KLHL1: variants seen among roughly 807,000 people sequenced by gnomAD.
The protein encoded by KLHL1 is kelch-like protein 1.
A neutral mutation model predicts 77.7 loss-of-function variants in KLHL1; 47 were observed. That is an observed-to-expected ratio of 0.60 (90% confidence interval 0.48 to 0.77). KLHL1 has a LOEUF of 0.77. Ranked by LOEUF, KLHL1 falls within the 30% of genes least tolerant of loss-of-function variation. The probability of loss-of-function intolerance (pLI) is 0.00; values close to 1 mark genes in which losing one functional copy is unlikely to be tolerated. For synonymous variants in KLHL1, 360 were observed against 325.2 expected (o/e 1.11, Z -1.15); for missense variants, 925 against 910.8 (o/e 1.02, Z -0.20).
chr13:70,068,413 T>A (rs1887065162), intron 1 of KLHL1, among the ~76,000 whole-genome samples: 1 of 152,190 alleles, frequency 6.6e-6, no homozygotes, highest in African/African-American at 2.4e-5. Context: ...GTGACACTGA[T>A]TAATGAATTA....
intron 10 of KLHL1, among the ~76,000 whole-genome samples, chr13:69,704,247 C>T (rs1341840606): frequency 6.6e-6 from 1 of 151,542 alleles, no homozygotes; most frequent in African/African-American, 2.4e-5. Flanking sequence ...AATGACACCC[C>T]TCTCCATCCA....
chr13:69,827,317 A>AT lies in KLHL1; in HGVS notation c.1414+11658dup, dbSNP rs561187994. 5.3e-3 allele frequency among the ~76,000 whole-genome samples: 800 copies of AT among 152,010 alleles called. 10 individuals are homozygous for AT. The highest frequency in any genetic ancestry group is 0.018 in the African/African-American group (736 of 41,514). ...ATAAGGTTTATTTAGCTGGCCTGAG[A>AT]TTTTTTCCTTCACACACTGCACTTG... is the stretch of plus-strand genomic sequence containing the variant. On this transcript the variant is annotated intron_variant, in intron 6 of 10. Transcript: ENST00000377844.
In KLHL1 at chr13:69,915,437, T is replaced by C. The variant is rs184818677; in HGVS notation, c.1014+24603A>G. 8.5e-5 allele frequency among the ~76,000 whole-genome samples: 13 copies of C among 152,182 alleles called. No individual in the cohort carries two copies. The East Asian group carries it at 9.7e-4, about 11-fold the overall frequency. The stretch of plus-strand genomic sequence containing the variant: ...AGAACAGAGCCCTCAGAAATAATGC[T>C]GCATATCTACAACTATCTGATCTTT... On this transcript the variant is annotated intron_variant, in intron 4 of 10. Transcript: ENST00000377844.
intron 7 of KLHL1, among the ~76,000 whole-genome samples, chr13:69,771,292 AC>A (rs1351936630): frequency 1.6e-4 from 24 of 151,352 alleles, no homozygotes; most frequent in Admixed American, 2.6e-4. Context: ...AAAAAAAAAA[AC>A]ATGCTCTTCT....
At chr13:70,013,097 G>T (rs1593673703) in intron 1 of KLHL1, among the ~76,000 whole-genome samples, 1 of 152,002 alleles carries the variant, frequency 6.6e-6, no homozygotes, top group East Asian at 1.9e-4. Context: ...AAATATCGGG[G>T]AATGATGGCC....
At chr13:69,956,263 TAAAGGTAAGGA>T (rs2137262840) in intron 3 of KLHL1, among the ~76,000 whole-genome samples, 1 of 149,506 alleles carries the variant, frequency 6.7e-6, no homozygotes, top group East Asian at 2.0e-4. Flanking sequence ...TGAAGACCCT[TAAAGGTAAGGA>T]ACATGTATAA....
intron 1 of KLHL1, among the ~76,000 whole-genome samples, chr13:70,022,752 T>G (rs1393587304): frequency 6.6e-6 from 1 of 151,714 alleles, no homozygotes; most frequent in Non-Finnish European, 1.5e-5. Context: ...TGCTACCATC[T>G]GAAAAGGAAA....
intron 5 of KLHL1, among the ~76,000 whole-genome samples, chr13:69,850,727 C>T (rs1483206461): frequency 6.6e-6 from 1 of 151,706 alleles, no homozygotes; most frequent in Non-Finnish European, 1.5e-5. Context: ...CACTGTCCTG[C>T]TGTCTTGTTT....
intron 3 of KLHL1, among the ~76,000 whole-genome samples, chr13:69,958,443 T>A (rs2137265787): frequency 6.8e-6 from 1 of 147,262 alleles, no homozygotes; most frequent in Middle Eastern, 3.5e-3. Flanking sequence ...AAAGTTATTT[T>A]TTCAAAGATT....
intron 1 of KLHL1, among the ~76,000 whole-genome samples, chr13:69,978,146 A>G (rs960306013): frequency 6.6e-6 from 1 of 152,146 alleles, no homozygotes; most frequent in African/African-American, 2.4e-5. Flanking sequence ...CAAGAACAGC[A>G]GAATTCTTCC....
chr13:69,903,624 C>T (rs1490502805), intron 4 of KLHL1, among the ~76,000 whole-genome samples: 7 of 120,044 alleles, frequency 5.8e-5, no homozygotes, highest in African/African-American at 2.4e-4. Flanking sequence ...AACCCTTGTT[C>T]ACATTCTTTT....
intron 6 of KLHL1, among the ~76,000 whole-genome samples, chr13:69,797,380 A>G (rs1877156342): frequency 6.6e-6 from 1 of 152,232 alleles, no homozygotes; most frequent in Non-Finnish European, 1.5e-5. Flanking sequence ...ATAATTTCTG[A>G]AAGTTAATTC....
At chr13:69,969,942 T>C (rs200533616) in intron 2 of KLHL1, among the ~76,000 whole-genome samples, 1 of 40 alleles carries the variant, frequency 0.025, no homozygotes. Flanking sequence ...TTAAACTTTT[T>C]AAGTTCCACT....
intron 4 of KLHL1, among the ~76,000 whole-genome samples, chr13:69,907,196 T>C (rs1353427634): frequency 6.6e-6 from 1 of 152,040 alleles, no homozygotes; most frequent in Admixed American, 6.6e-5. Flanking sequence ...AACACAATTT[T>C]AATTTTTAAA....
chr13:69,985,845 T>G (rs1035533558), intron 1 of KLHL1, among the ~76,000 whole-genome samples: 6 of 118,832 alleles, frequency 5.0e-5, no homozygotes, highest in Non-Finnish European at 1.0e-4. Flanking sequence ...TGTGTGTGTA[T>G]AGATATATAT....
At chr13:69,916,458 G>A (rs1160777913) in intron 4 of KLHL1, among the ~76,000 whole-genome samples, 2 of 152,072 alleles carry the variant, frequency 1.3e-5, no homozygotes, top group African/African-American at 4.8e-5. Flanking sequence ...GATGAAGCTG[G>A]AAACCATCAT....
At chr13:70,046,665 TTTG>T (rs1295917584) in intron 1 of KLHL1, among the ~76,000 whole-genome samples, 2 of 152,060 alleles carry the variant, frequency 1.3e-5, no homozygotes, top group African/African-American at 2.4e-5. Context: ...TTTTAACTTT[TTTG>T]TTGTTGTTGT....
intron 1 of KLHL1, among the ~76,000 whole-genome samples, chr13:70,091,394 C>A (rs1887669569): frequency 6.6e-6 from 1 of 151,850 alleles, no homozygotes; most frequent in South Asian, 2.1e-4. Flanking sequence ...ACTTTTGTTT[C>A]TTCACCAGTA....
intron 6 of KLHL1, among the ~76,000 whole-genome samples, chr13:69,817,378 C>T (rs1184682527): frequency 6.6e-6 from 1 of 152,128 alleles, no homozygotes; most frequent in African/African-American, 2.4e-5. Context: ...CCAGTGATCT[C>T]CACCTAAACT....
Sources: allele counts gnomAD v4.1 joint callset (sites outside exome capture counted in the v4.1 genomes callset), GRCh38; gene constraint gnomAD v4.1.1; transcripts MANE v1.5; gene names NCBI Gene and HGNC (gene_info 2026-07-23, HGNC 2026-07-21).